The following GRIK1 variants were observed in gnomAD, a reference collection of about 807,000 sequenced individuals.
GRIK1 encodes the protein glutamate receptor ionotropic, kainate 1.
A neutral mutation model predicts 105.7 loss-of-function variants in GRIK1; 69 were observed. The ratio of observed to expected loss-of-function variants is 0.65; its 90% CI spans 0.54 to 0.80. GRIK1 has a LOEUF of 0.80. Ranked by LOEUF, GRIK1 falls within the 30% of genes least tolerant of loss-of-function variation. The pLI, the probability that GRIK1 is intolerant of heterozygous loss-of-function variation, is 0.00. For missense variants in GRIK1, 1,109 were observed against 1,167.3 expected, an observed-to-expected ratio of 0.95 and a Z score of 0.73; for synonymous variants, 438 against 431.3, an observed-to-expected ratio of 1.02 and a Z score of -0.19.
intron 1 of GRIK1, among the ~76,000 whole-genome samples, chr21:29,697,644 A>G (rs1246980267): frequency 1.3e-5 from 2 of 152,184 alleles, no homozygotes; most frequent in Admixed American, 6.5e-5. Context: ...GATCTGACAG[A>G]AACAGGAGAA....
chr21:29,832,570 G>A (rs996016128), intron 1 of GRIK1, among the ~76,000 whole-genome samples: 1 of 152,182 alleles, frequency 6.6e-6, no homozygotes, highest in African/African-American at 2.4e-5. Context: ...CTTATGGGTT[G>A]TACACTCTGG....
At chr21:29,828,466 G>GC (rs3835375) in intron 1 of GRIK1, among the ~76,000 whole-genome samples, 138,094 of 152,084 alleles carry the variant, frequency 0.91, 62,913 homozygotes, top group South Asian at 0.95. Flanking sequence ...CAGGAATGGT[G>GC]AAAGCACTTT....
chr21:29,925,490 G>C (rs2146339000), intron 1 of GRIK1, among the ~76,000 whole-genome samples: 1 of 152,192 alleles, frequency 6.6e-6, no homozygotes, highest in East Asian at 1.9e-4. Context: ...ATATAAGAAT[G>C]AATAAATGAA....
At chr21:29,590,900 A>G (rs1459590077) in intron 10 of GRIK1, among the ~76,000 whole-genome samples, 2 of 152,184 alleles carry the variant, frequency 1.3e-5, no homozygotes, top group Non-Finnish European at 2.9e-5. Flanking sequence ...AGGACTGGCA[A>G]TGGATTAGAG....
chr21:29,635,089 G>C (rs2062368161), intron 7 of GRIK1, among the ~76,000 whole-genome samples: 1 of 152,162 alleles, frequency 6.6e-6, no homozygotes, highest in Non-Finnish European at 1.5e-5. Flanking sequence ...ATCTCTGACA[G>C]ACAGTTGACA....
intron 1 of GRIK1, among the ~76,000 whole-genome samples, chr21:29,837,268 C>T (rs1601818554): frequency 1.3e-5 from 2 of 151,998 alleles, no homozygotes; most frequent in Admixed American, 1.3e-4. Context: ...TTCCTGACAC[C>T]GTTTTGGCAC....
At chr21:29,751,997 C>T (rs1422902484) in intron 1 of GRIK1, among the ~76,000 whole-genome samples, 2 of 152,184 alleles carry the variant, frequency 1.3e-5, no homozygotes, top group East Asian at 1.9e-4. Flanking sequence ...CATATGTTGT[C>T]TCAGTATAGA....
intron 10 of GRIK1, among the ~76,000 whole-genome samples, chr21:29,590,389 G>A (rs962778783): frequency 1.2e-4 from 19 of 152,324 alleles, no homozygotes; most frequent in Admixed American, 7.8e-4. Flanking sequence ...CCTGGAGAAA[G>A]GAAAAAGCGG....
At chr21:29,831,711 C>T (rs1182764348) in intron 1 of GRIK1, among the ~76,000 whole-genome samples, 1 of 152,038 alleles carries the variant, frequency 6.6e-6, no homozygotes, top group Non-Finnish European at 1.5e-5. Flanking sequence ...GACCCCTCCT[C>T]CAACACCAAG....
chr21:29,756,871 T>C lies in GRIK1; in HGVS notation c.119-62808A>G, dbSNP rs143698289. Among the ~76,000 whole-genome samples, 1,404 of 152,292 alleles carry C rather than the reference T, an allele frequency of 9.2e-3. 22 individuals are homozygous for C. Among genetic ancestry groups the C allele is most frequent in the African/African-American group, 0.032 (1,342 of 41,570 alleles). On this transcript the variant is annotated intron_variant, in intron 1 of 17. Coordinates refer to ENST00000327783, the MANE Select transcript of GRIK1 (RefSeq NM_001330994.2). The stretch of plus-strand genomic sequence containing the variant: ...GCTCACACCTGTAATCCCAGCACTT[T>C]GGGAGGCCGAGGTGGGCGGATCGTC...
chr21:29,560,645 A>G (rs369149596), intron 15 of GRIK1, among the ~76,000 whole-genome samples: 16 of 143,040 alleles, frequency 1.1e-4, no homozygotes, highest in African/African-American at 4.2e-4. Context: ...TCTGTTGCCC[A>G]GGCTGGAGTA....
chr21:29,842,675 G>A (rs1001225735), intron 1 of GRIK1, among the ~76,000 whole-genome samples: 2 of 152,126 alleles, frequency 1.3e-5, no homozygotes, highest in East Asian at 3.9e-4. Flanking sequence ...GCAAAACTCA[G>A]GCAGTTATAT....
At chr21:29,555,730 A>G (rs1372894734) in intron 15 of GRIK1, among the ~76,000 whole-genome samples, 3 of 152,210 alleles carry the variant, frequency 2.0e-5, no homozygotes, top group Non-Finnish European at 4.4e-5. Flanking sequence ...GTTTGCAGCC[A>G]TACCGGAATG....
At position 29,900,691 on chromosome 21, in the gene GRIK1, A is replaced by G. The variant is rs530333822; in HGVS notation, c.118+38692T>C. Among the ~76,000 whole-genome samples the G allele has an allele frequency of 5.3e-5, 8 of 152,236 alleles. No homozygotes were observed. The East Asian group carries it at 1.4e-3, about 26-fold the overall frequency. ...TAGACTCCCACACAATAATAATGGG[A>G]GACTTTAACACTCCACTGTCAATAT... On this transcript the variant is annotated intron_variant, in intron 1 of 17. Coordinates refer to ENST00000327783, the MANE Select transcript of GRIK1 (RefSeq NM_001330994.2).
chr21:29,831,593 G>C (rs915263366), intron 1 of GRIK1, among the ~76,000 whole-genome samples: 1 of 152,046 alleles, frequency 6.6e-6, no homozygotes, highest in Admixed American at 6.6e-5. Context: ...GGAGAGTGAA[G>C]GGGGAGGTGC....
chr21:29,561,941 AG>A, intron 14 of GRIK1, 92 bp from the exon 15 acceptor site: 1 of 725,402 alleles, frequency 1.4e-6, no homozygotes, highest in Non-Finnish European at 2.5e-6. Context: ...AAATAATGAT[AG>A]GGAGGATACT....
intron 1 of GRIK1, among the ~76,000 whole-genome samples, chr21:29,862,264 A>T (rs1249298803): frequency 6.6e-6 from 1 of 152,208 alleles, no homozygotes; most frequent in Non-Finnish European, 1.5e-5. Context: ...CTGGTATTAC[A>T]GGCATGAATC....
intron 1 of GRIK1, among the ~76,000 whole-genome samples, chr21:29,790,135 C>A (rs902209676): frequency 3.9e-5 from 6 of 152,072 alleles, no homozygotes; most frequent in African/African-American, 1.4e-4. Flanking sequence ...CTTCGAACTC[C>A]ACCTCCCAGG....
At chr21:29,849,108 C>T (rs1170144020) in intron 1 of GRIK1, among the ~76,000 whole-genome samples, 1 of 150,258 alleles carries the variant, frequency 6.7e-6, no homozygotes, top group African/African-American at 2.5e-5. Context: ...AATGATTAAG[C>T]ATATTGTTTA....
Sources: allele counts gnomAD v4.1 joint callset (sites outside exome capture counted in the v4.1 genomes callset), GRCh38; gene constraint gnomAD v4.1.1; transcripts MANE v1.5; gene names NCBI Gene and HGNC (gene_info 2026-07-23, HGNC 2026-07-21).